Variants in SF3B3 observed in about 807,000 individuals in gnomAD.
The protein encoded by SF3B3 is SAP 130.
A neutral mutation model predicts 139.2 loss-of-function variants in SF3B3; 33 were observed. The ratio of observed to expected loss-of-function variants is 0.24; its 90% CI spans 0.18 to 0.32. The LOEUF (loss-of-function observed/expected upper bound fraction) is 0.32. Ranked by LOEUF, SF3B3 falls within the 10% of genes least tolerant of loss-of-function variation. The probability of loss-of-function intolerance (pLI) is 1.00; values close to 1 mark genes in which losing one functional copy is unlikely to be tolerated. For synonymous variants in SF3B3, 596 were observed against 563.6 expected (o/e 1.06, Z -0.81); for missense variants, 818 against 1,509.4 (o/e 0.54, Z 7.59).
rs561258652 is a variant in SF3B3, at chr16:70,527,766, GTTTTGT to G, written c.70+1057_70+1062del. ...TTTGTTTTGTTTTTGTTTTTTGTTT[GTTTTGT>G]TTTTGTTTTTGTTTTTTCCTTGAAA... is the stretch of plus-strand genomic sequence containing the variant. On this transcript the variant is annotated intron_variant, in intron 2 of 25. Transcript: ENST00000302516. Among the ~76,000 whole-genome samples, 913 of 151,974 alleles carry G rather than the reference GTTTTGT, an allele frequency of 6.0e-3. 8 individuals carry two copies. Among genetic ancestry groups the G allele is most frequent in the African/African-American group, 0.021 (854 of 41,474 alleles).
chr16:70,538,933 A>G (rs1439457158), intron 7 of SF3B3, among the ~76,000 whole-genome samples, 171 bp from the exon 8 acceptor site: 1 of 152,198 alleles, frequency 6.6e-6, no homozygotes, highest in Non-Finnish European at 1.5e-5. Context: ...ATTATAGTAC[A>G]AGACAGCCAC....
intron 10 of SF3B3, among the ~76,000 whole-genome samples, chr16:70,546,888 C>T (rs1030885634): frequency 6.6e-6 from 1 of 151,686 alleles, no homozygotes; most frequent in African/African-American, 2.4e-5. Flanking sequence ...ATTAGCCAGG[C>T]GTGGTGGCGG....
rs2050093052 is a variant in SF3B3 at position 70,528,856 on chromosome 16, A to G, written c.71-17A>G. 2.5e-6 allele frequency: 4 copies of G among 1,585,536 alleles called. No homozygotes were observed. The highest frequency in any genetic ancestry group is 2.6e-6 in the Non-Finnish European group (3 of 1,158,850). On this transcript the variant is annotated splice_polypyrimidine_tract_variant and intron_variant, in intron 2 of 25. Transcript: ENST00000302516. ...TGGGTTCTGGTTGTTTATGATCTTT[A>G]TTTTTTGGTGATCTAGGAACCAAAC...
At chr16:70,533,010 A>C (rs957118475) in intron 5 of SF3B3, among the ~76,000 whole-genome samples, 2 of 152,224 alleles carry the variant, frequency 1.3e-5, no homozygotes, top group African/African-American at 4.8e-5. Context: ...GAAAACTTAA[A>C]CAAAATAGAA....
At chr16:70,525,980 AGGAAAAAAAAAAG>A (rs2050059791) in intron 1 of SF3B3, among the ~76,000 whole-genome samples, 1 of 146,004 alleles carries the variant, frequency 6.8e-6, no homozygotes, top group Non-Finnish European at 1.5e-5. Flanking sequence ...AAAAAAAAAA[AGGAAAAAAAAAAG>A]ATATACCTTA....
At chr16:70,533,258 G>A (rs888313599) in intron 5 of SF3B3, among the ~76,000 whole-genome samples, 7 of 152,112 alleles carry the variant, frequency 4.6e-5, no homozygotes, top group African/African-American at 1.7e-4. Context: ...AGGAGGCTGA[G>A]GCAGGAGCAT....
rs900742521 is a variant in SF3B3 at position 70,575,910 on chromosome 16, C to A, written c.*4097C>A. 2.6e-5 allele frequency: 4 copies of A among 152,186 alleles called. No homozygotes were observed. The highest frequency in any genetic ancestry group is 4.4e-5 in the Non-Finnish European group (3 of 68,042). The allele number at this position is 152,186 out of a possible 1,614,324, so 9.4% of individuals were successfully genotyped here. The stretch of plus-strand genomic sequence containing the variant: ...TTAGAACCCTCTTCATTTGTCAGAA[C>A]AGATTCCTGGGGTCTGCTCCCAATT... On this transcript the variant is annotated 3_prime_UTR_variant, in exon 26 of 26. Coordinates refer to ENST00000302516, the MANE Select transcript of SF3B3 (RefSeq NM_012426.5).
In SF3B3 at chr16:70,542,295, G is replaced by A. The variant is rs114136729; in HGVS notation, c.1233+461G>A. On this transcript the variant is annotated intron_variant, in intron 9 of 25. Coordinates refer to ENST00000302516, the MANE Select transcript of SF3B3 (RefSeq NM_012426.5). Reference sequence around the variant, plus strand: ...TATTCTGTGGTTGACCTCTTGTCATGTAACAGTCTACATATAGCTGTATTT... The same window carrying A: ...TATTCTGTGGTTGACCTCTTGTCATATAACAGTCTACATATAGCTGTATTT... 2.2e-3 allele frequency among the ~76,000 whole-genome samples: 333 copies of A among 152,362 alleles called. 2 individuals carry two copies. The highest frequency in any genetic ancestry group is 7.5e-3 in the African/African-American group (312 of 41,592).
At chr16:70,538,584 A>G in intron 7 of SF3B3, 124 bp downstream of exon 7, 1 of 766,746 alleles carries the variant, frequency 1.3e-6, no homozygotes, top group Non-Finnish European at 2.1e-6. Context: ...CCGGTATATG[A>G]GTATAGATTT....
chr16:70,554,157 G>C (rs1312131056), intron 11 of SF3B3: 1 of 264,512 alleles, frequency 3.8e-6, no homozygotes, highest in Non-Finnish European at 7.3e-6. Flanking sequence ...CAATATTGTA[G>C]TATTTAAAAT....
intron 6 of SF3B3, 110 bp downstream of exon 6, chr16:70,535,530 T>G: frequency 3.7e-6 from 2 of 545,282 alleles, no homozygotes; most frequent in Non-Finnish European, 6.4e-6. Flanking sequence ...AAAAAAAAAT[T>G]CAGTGACCCT....
chr16:70,562,949 C>G (rs534692171), intron 17 of SF3B3, among the ~76,000 whole-genome samples: 1 of 152,116 alleles, frequency 6.6e-6, no homozygotes, highest in Admixed American at 6.6e-5. Flanking sequence ...GCCTCAACCT[C>G]CCAAGTACCT....
At chr16:70,571,579 A>T in intron 25 of SF3B3, 94 bp from the exon 26 acceptor site, 1 of 1,382,778 alleles carries the variant, frequency 7.2e-7, no homozygotes, top group Non-Finnish European at 9.8e-7. Flanking sequence ...ACTAAAAAAT[A>T]AAAACAGCTT....
rs1446046199 is a variant in SF3B3 at position 70,567,588 on chromosome 16, G to A, written c.2952+52G>A. On this transcript the variant is annotated intron_variant, in intron 21 of 25. Coordinates refer to ENST00000302516, the MANE Select transcript of SF3B3 (RefSeq NM_012426.5). Reference sequence around the variant, plus strand: ...ATCTAGCTCATGTGTCAAGGGTGGGGGCATTGGTGGGGTGGTGGGCATTGA... The same window carrying A: ...ATCTAGCTCATGTGTCAAGGGTGGGAGCATTGGTGGGGTGGTGGGCATTGA... The A allele has an allele frequency of 1.9e-6, 3 of 1,572,502 alleles. No homozygotes were observed. The South Asian group carries it at 3.6e-5, about 19-fold the overall frequency.
At chr16:70,525,578 CTT>C (rs1438049522) in intron 1 of SF3B3, among the ~76,000 whole-genome samples, 2 of 152,144 alleles carry the variant, frequency 1.3e-5, no homozygotes, top group Non-Finnish European at 1.5e-5. Flanking sequence ...AGCTTCCTCT[CTT>C]TTGCTTTTTT....
chr16:70,531,955 G>A (rs1361759314), intron 4 of SF3B3, among the ~76,000 whole-genome samples: 4 of 152,188 alleles, frequency 2.6e-5, no homozygotes, highest in African/African-American at 9.7e-5. Context: ...AGTCCTAGCT[G>A]CTTGGGAGCC....
intron 1 of SF3B3, among the ~76,000 whole-genome samples, chr16:70,524,375 C>G (rs1016591168): frequency 6.6e-6 from 1 of 152,200 alleles, no homozygotes; most frequent in African/African-American, 2.4e-5. Context: ...TCCTCTGAAC[C>G]TCTATTTTCT....
At position 70,548,929 on chromosome 16, in the gene SF3B3, C is replaced by T. The variant is rs535032021; in HGVS notation, c.1402+487C>T. The stretch of plus-strand genomic sequence containing the variant: ...AAGCAGAGTGGAATTGAGTGGAATT[C>T]GAATTTTAGTGTGAGTAGAAAAGCG... On this transcript the variant is annotated intron_variant, in intron 11 of 25. Transcript: ENST00000302516. Among the ~76,000 whole-genome samples, 68 of 152,222 alleles carry T rather than the reference C, an allele frequency of 4.5e-4. 1 individual carries two copies. Among genetic ancestry groups the T allele is most frequent in the Admixed American group, 1.4e-3 (21 of 15,284 alleles).
At position 70,577,429 on chromosome 16, in the gene SF3B3, A is replaced by G. The variant is rs2050590310; in HGVS notation, c.*5616A>G. 6.6e-6 allele frequency: 1 copy of G among 152,372 alleles called. No homozygotes were observed. 9.4% of individuals were successfully genotyped at this position (152,372 alleles called of 1,614,324 possible). A position where few individuals can be genotyped will look rare whatever the true frequency, so the allele number is the denominator to read the frequency against. On this transcript the variant is annotated 3_prime_UTR_variant, in exon 26 of 26. Coordinates refer to ENST00000302516, the MANE Select transcript of SF3B3 (RefSeq NM_012426.5). ...CCACTAGCTGCCCAACGGATGAATCAACGCCTTGGCAGAGTTTTCCAGCAG... is the reference window on the plus strand; with the variant it reads ...CCACTAGCTGCCCAACGGATGAATCGACGCCTTGGCAGAGTTTTCCAGCAG...
Sources: allele counts gnomAD v4.1 joint callset (sites outside exome capture counted in the v4.1 genomes callset), GRCh38; gene constraint gnomAD v4.1.1; transcripts MANE v1.5; gene names NCBI Gene and HGNC (gene_info 2026-07-23, HGNC 2026-07-21).